The following CTSB variants were observed in gnomAD, a reference collection of about 807,000 sequenced individuals.
CTSB encodes cathepsin B.
A neutral mutation model predicts 44.3 loss-of-function variants in CTSB; 57 were observed. The ratio of observed to expected loss-of-function variants is 1.29; its 90% CI spans 1.04 to 1.60. The LOEUF is 1.60. Among genes scored for constraint, CTSB ranks in the 40% most tolerant of loss-of-function variants. The pLI is 0.00. For synonymous variants in CTSB, 320 were observed against 168.0 expected (o/e 1.91, Z -7.00); for missense variants, 768 against 443.0 (o/e 1.73, Z -6.59).
At chr8:11,860,597 T>A (rs892519796) in intron 1 of CTSB, among the ~76,000 whole-genome samples, 1 of 152,094 alleles carries the variant, frequency 6.6e-6, no homozygotes, top group Non-Finnish European at 1.5e-5. Flanking sequence ...GCACTCCACC[T>A]TGGGCAACAA....
intron 1 of CTSB, among the ~76,000 whole-genome samples, chr8:11,867,033 G>C (rs920505016): frequency 2.0e-5 from 3 of 152,172 alleles, no homozygotes; most frequent in Admixed American, 1.3e-4. Context: ...GGGGTCTCTC[G>C]TCCGTTAGGA....
At chr8:11,866,585 G>C (rs1441884600) in intron 1 of CTSB, among the ~76,000 whole-genome samples, 2 of 152,242 alleles carry the variant, frequency 1.3e-5, no homozygotes, top group African/African-American at 2.4e-5. Flanking sequence ...GAGCCAACAA[G>C]AAACAGTTCT....
intron 8 of CTSB, among the ~76,000 whole-genome samples, chr8:11,846,727 C>T (rs1044054037): frequency 8.5e-5 from 13 of 152,218 alleles, no homozygotes; most frequent in Non-Finnish European, 4.4e-5. Context: ...AAGGCGAGGG[C>T]AGGCGTGGCC....
intron 1 of CTSB, among the ~76,000 whole-genome samples, chr8:11,863,224 G>A (rs1816674318): frequency 6.6e-6 from 1 of 152,154 alleles, no homozygotes. Context: ...ACTTAGGGAA[G>A]CCAAGACAGG....
At position 11,847,673 on chromosome 8, in the gene CTSB, C is replaced by A. The variant is rs185454596; in HGVS notation, c.676+6G>T. On this transcript the variant is annotated splice_donor_region_variant and intron_variant, in intron 7 of 9. Coordinates refer to ENST00000353047, the MANE Select transcript of CTSB (RefSeq NM_001908.5). ...GTGCGCCGTGGCCAGGCCCCAGGCC[C>A]CTTACCGTAGTGCTTGTCCTGTTTG... The A allele has an allele frequency of 1.3e-6, 2 of 1,535,852 alleles. No homozygotes were observed. Among genetic ancestry groups the A allele is most frequent in the South Asian group, 2.6e-5 (2 of 78,420 alleles).
rs79702619 is a variant in CTSB at position 11,849,174 on chromosome 8, C to G, written c.328-10G>C. 6.2e-7 allele frequency: 1 copy of G among 1,608,350 alleles called. No individual in the cohort carries two copies. Among genetic ancestry groups the G allele is most frequent in the African/African-American group, 1.3e-5 (1 of 74,848 alleles). On this transcript the variant is annotated splice_polypyrimidine_tract_variant and intron_variant, in intron 4 of 9. Transcript: ENST00000353047. ...CCACAGCCCCGAAGGCCTGCAGGAA[C>G]GAGCCCCACCGGGTGAGGCTGCCAT...
At position 11,868,055 on chromosome 8, in the gene CTSB, CGTTGCCGGAGCG is replaced by C. The variant is rs1342528355; in HGVS notation, c.-92_-81del. 2.0e-5 allele frequency: 3 copies of C among 152,624 alleles called. No individual in the cohort carries two copies. Among genetic ancestry groups the C allele is most frequent in the Non-Finnish European group, 4.4e-5 (3 of 68,460 alleles). The allele number at this position is 152,624 out of a possible 1,614,324, so 9.5% of individuals were successfully genotyped here. A position where few individuals can be genotyped will look rare whatever the true frequency, so the allele number is the denominator to read the frequency against. ...AGCCTGCGCGCAGCGGAGCGGTTGG[CGTTGCCGGAGCG>C]GTTGCCGGAGCCCTGCAGCCGCCGT... On this transcript the variant is annotated 5_prime_UTR_variant, in exon 1 of 10. Transcript: ENST00000353047.
chr8:11,847,555 C>T, intron 7 of CTSB, 124 bp downstream of exon 7: 7 of 1,083,728 alleles, frequency 6.5e-6, no homozygotes, highest in Admixed American at 2.7e-5. Context: ...CACTCCCCCT[C>T]CTCTATCCTA....
chr8:11,855,525 G>T (rs933303811), intron 1 of CTSB, among the ~76,000 whole-genome samples: 1 of 152,118 alleles, frequency 6.6e-6, no homozygotes, highest in African/African-American at 2.4e-5. Flanking sequence ...AGGTAATGCT[G>T]GAGGAAAGCT....
At chr8:11,863,100 C>T (rs1287810552) in intron 1 of CTSB, among the ~76,000 whole-genome samples, 1 of 152,116 alleles carries the variant, frequency 6.6e-6, no homozygotes, top group Non-Finnish European at 1.5e-5. Flanking sequence ...ATTGACTGAA[C>T]CCAGGAGATT....
chr8:11,850,804 G>C (rs969131971), intron 4 of CTSB, 62 bp downstream of exon 4: 9 of 1,217,452 alleles, frequency 7.4e-6, no homozygotes, highest in African/African-American at 3.0e-5. Context: ...AATCCCCCAA[G>C]ACTCTCCAGT....
intron 1 of CTSB, among the ~76,000 whole-genome samples, chr8:11,858,616 C>T (rs1011654080): frequency 2.6e-5 from 4 of 152,174 alleles, no homozygotes; most frequent in Non-Finnish European, 5.9e-5. Flanking sequence ...TCAATTAACC[C>T]CAGCATTTAA....
chr8:11,845,267 A>AC (rs1252362579), intron 9 of CTSB, 45 bp from the exon 10 acceptor site: 2 of 1,427,604 alleles, frequency 1.4e-6, no homozygotes, highest in South Asian at 2.3e-5. Flanking sequence ...ACAAGGGTCA[A>AC]CCAATATAGT....
At chr8:11,851,626 C>T (rs1050688409) in intron 3 of CTSB, among the ~76,000 whole-genome samples, 4 of 152,216 alleles carry the variant, frequency 2.6e-5, no homozygotes, top group Admixed American at 6.5e-5. Context: ...TCTCCTGCCT[C>T]AACCTCTGCC....
Position 11,847,747 on chromosome 8 carries a change from T to G in CTSB, c.608A>C (p.Asp203Ala). ...GSRPPCTGEG[D>A]TPKCSKICEP... is the part of the protein sequence containing the mutation. ...ACAGATCTTGCTACACTTGGGGGTATCTCCCTCCCCCGTGCATGGGGGCCG... is the reference window on the plus strand; with the variant it reads ...ACAGATCTTGCTACACTTGGGGGTAGCTCCCTCCCCCGTGCATGGGGGCCG... Residue 203 changes from aspartate (D) to alanine (A), a missense_variant, in exon 7 of 10, where the codon GAT becomes GCT. By Grantham distance (126) the Asp-to-Ala change is moderately radical (BLOSUM62 -2). Transcript: ENST00000353047. 1.2e-6 allele frequency: 2 copies of G among 1,601,772 alleles called. No homozygotes were observed. The highest frequency in any genetic ancestry group is 1.7e-6 in the Non-Finnish European group (2 of 1,175,880).
intron 1 of CTSB, chr8:11,867,574 G>GAAA (rs1197602258): frequency 3.3e-5 from 5 of 152,380 alleles, no homozygotes; most frequent in African/African-American, 1.2e-4. Flanking sequence ...CGGCAGATGC[G>GAAA]ATTATGTCGG....
intron 2 of CTSB, 39 bp downstream of exon 2, chr8:11,853,290 T>C (rs1228181887): frequency 6.2e-7 from 1 of 1,609,252 alleles, no homozygotes; most frequent in Non-Finnish European, 8.5e-7. Flanking sequence ...CAGACCGACC[T>C]GGGAGGGGAC....
rs77301081 is a variant in CTSB, at chr8:11,843,470, C to G, written c.*1655G>C. On this transcript the variant is annotated 3_prime_UTR_variant, in exon 10 of 10. Transcript: ENST00000353047. ...GACAGTGGAATGATTGCTGGTTCTT[C>G]TAGTTTGCTCTATACCAAGAACTGC... 6.6e-6 allele frequency: 1 copy of G among 152,212 alleles called. No homozygotes were observed. The highest frequency in any genetic ancestry group is 2.4e-5 in the African/African-American group (1 of 41,444). 9.4% of individuals were successfully genotyped at this position (152,212 alleles called of 1,614,324 possible). A position where few individuals can be genotyped will look rare whatever the true frequency, so the allele number is the denominator to read the frequency against.
chr8:11,856,506 G>C (rs939396338), intron 1 of CTSB, among the ~76,000 whole-genome samples: 1 of 152,128 alleles, frequency 6.6e-6, no homozygotes, highest in African/African-American at 2.4e-5. Flanking sequence ...CCAGCTACTT[G>C]GGAGGCTGAG....
Sources: allele counts gnomAD v4.1 joint callset (sites outside exome capture counted in the v4.1 genomes callset), GRCh38; gene constraint gnomAD v4.1.1; transcripts MANE v1.5; gene names NCBI Gene and HGNC (gene_info 2026-07-23, HGNC 2026-07-21).